Variants in CAST observed in about 807,000 individuals in gnomAD.
The protein encoded by CAST is MIR583 host.
In CAST, 76 loss-of-function variants were observed where a neutral mutation model predicts 119.6. The ratio of observed to expected loss-of-function variants is 0.64; its 90% CI spans 0.53 to 0.77. The LOEUF is 0.77. Among genes scored for constraint, CAST ranks in the 30% least tolerant of loss-of-function variants. The probability of loss-of-function intolerance (pLI) is 0.00; values close to 1 mark genes in which losing one functional copy is unlikely to be tolerated. For missense variants in CAST, 953 were observed against 946.5 expected, an observed-to-expected ratio of 1.01 and a Z score of -0.09; for synonymous variants, 319 against 331.6, an observed-to-expected ratio of 0.96 and a Z score of 0.41.
At chr5:96,155,451 A>G in the CAST span, among the ~76,000 whole-genome samples, 4 of 152,348 alleles carry the variant, frequency 2.6e-5, no homozygotes, top group East Asian at 3.9e-4. Context: ...CAAGTTGAGT[A>G]TACATTTTAA....
the CAST span, among the ~76,000 whole-genome samples, chr5:96,477,360 T>G: frequency 4.9e-4 from 74 of 152,316 alleles, no homozygotes; most frequent in African/African-American, 1.8e-3. Context: ...CATGTGTGTG[T>G]GTGTTGCCAT....
the CAST span, among the ~76,000 whole-genome samples, chr5:96,094,803 A>G: frequency 4.6e-5 from 7 of 152,286 alleles, no homozygotes; most frequent in East Asian, 7.7e-4. Context: ...ATTACGTGAC[A>G]TTGGTTCTCT....
upstream of CAST, among the ~76,000 whole-genome samples, chr5:96,520,491 A>C (rs750322160): frequency 1.8e-4 from 27 of 152,126 alleles, no homozygotes; most frequent in African/African-American, 6.0e-4. Context: ...CTCTGAGTGT[A>C]TGTATGTCTG....
chr5:96,744,950 G>A (rs1763449336), intron 16 of CAST, among the ~76,000 whole-genome samples: 1 of 152,188 alleles, frequency 6.6e-6, no homozygotes, highest in Non-Finnish European at 1.5e-5. Context: ...CTAGTCTAGT[G>A]CCATTTCAAT....
the CAST span, among the ~76,000 whole-genome samples, chr5:96,109,492 G>A: frequency 2.1e-3 from 318 of 152,260 alleles, 1 homozygote; most frequent in African/African-American, 7.3e-3. Flanking sequence ...AAGATAAATT[G>A]TTTGTTGTGG....
At chr5:96,684,587 G>C (rs1282920805) in intron 2 of CAST, among the ~76,000 whole-genome samples, 1 of 147,276 alleles carries the variant, frequency 6.8e-6, no homozygotes, top group Non-Finnish European at 1.5e-5. Context: ...TTTTGAGATA[G>C]AGTCTCACTT....
chr5:96,115,107 G>A, the CAST span, among the ~76,000 whole-genome samples: 2 of 152,120 alleles, frequency 1.3e-5, no homozygotes, highest in African/African-American at 2.4e-5. Context: ...ACTATTGCTT[G>A]CATTCTTTCT....
chr5:96,276,683 A>G, the CAST span, among the ~76,000 whole-genome samples: 1 of 152,162 alleles, frequency 6.6e-6, no homozygotes, highest in Non-Finnish European at 1.5e-5. Flanking sequence ...ACCTCCTTAG[A>G]TTTAACATGT....
the CAST span, among the ~76,000 whole-genome samples, chr5:96,475,417 G>A: frequency 2.0e-5 from 3 of 152,252 alleles, no homozygotes; most frequent in South Asian, 6.2e-4. Context: ...CATAAATAAT[G>A]ACAATCTCTG....
At chr5:96,188,349 A>T in the CAST span, among the ~76,000 whole-genome samples, 4,878 of 152,180 alleles carry the variant, frequency 0.032, 266 homozygotes, top group African/African-American at 0.11. Flanking sequence ...TTTGGTAATA[A>T]GTTATATTAT....
chr5:96,086,992 CAAAA>C, the CAST span, among the ~76,000 whole-genome samples: 2 of 152,054 alleles, frequency 1.3e-5, no homozygotes, highest in African/African-American at 4.8e-5. Context: ...TTCTCTGAAA[CAAAA>C]TATAGTTTAA....
chr5:96,724,319 T>C (rs991323564), intron 4 of CAST, among the ~76,000 whole-genome samples: 4 of 152,006 alleles, frequency 2.6e-5, no homozygotes, highest in Non-Finnish European at 5.9e-5. Context: ...TAGCTGGAAC[T>C]CTAGGGGCAC....
chr5:96,263,598 A>G, the CAST span, among the ~76,000 whole-genome samples: 1,078 of 145,616 alleles, frequency 7.4e-3, 11 homozygotes, highest in African/African-American at 0.029. Flanking sequence ...GTAGGATAGC[A>G]AATTAGAGAG....
At chr5:96,029,895 AC>A in the CAST span, among the ~76,000 whole-genome samples, 2 of 152,228 alleles carry the variant, frequency 1.3e-5, no homozygotes, top group East Asian at 1.9e-4. Flanking sequence ...TCCAACTGCC[AC>A]TGCCTCAGCC....
chr5:95,982,729 C>G, the CAST span, among the ~76,000 whole-genome samples: 661 of 152,208 alleles, frequency 4.3e-3, 8 homozygotes, highest in African/African-American at 0.015. Context: ...GACTATGATC[C>G]CAACATATTT....
the CAST span, among the ~76,000 whole-genome samples, chr5:96,365,674 T>C: frequency 6.6e-6 from 1 of 152,230 alleles, no homozygotes; most frequent in Non-Finnish European, 1.5e-5. Context: ...TTCCATTTGC[T>C]TGGAAGATCT....
chr5:96,534,897 AAAG>A (rs1163066887), intron 1 of CAST, among the ~76,000 whole-genome samples: 3 of 149,866 alleles, frequency 2.0e-5, no homozygotes, highest in Non-Finnish European at 3.0e-5. Context: ...AGAAAGAAGG[AAAG>A]AAGGAAGGAA....
the CAST span, among the ~76,000 whole-genome samples, chr5:96,341,502 G>A: frequency 6.6e-6 from 1 of 152,102 alleles, no homozygotes; most frequent in Non-Finnish European, 1.5e-5. Flanking sequence ...TCTCATTAGT[G>A]TAAGTGCCAG....
the CAST span, among the ~76,000 whole-genome samples, chr5:96,144,828 C>T: frequency 1.3e-5 from 2 of 152,010 alleles, no homozygotes; most frequent in Non-Finnish European, 2.9e-5. Context: ...AGGTGCGCAC[C>T]ACCATGCCCA....
Sources: gnomAD v4.1 joint callset for allele counts (sites outside exome capture counted in the v4.1 genomes callset) on GRCh38, gnomAD v4.1.1 for gene constraint, MANE v1.5 for transcripts, NCBI Gene and HGNC (gene_info 2026-07-23, HGNC 2026-07-21) for gene names.